Variants in MASTL observed in about 807,000 individuals in gnomAD.
MASTL encodes the protein microtubule associated serine/threonine kinase like.
MASTL carries 54 observed loss-of-function variants against 82.5 expected under a neutral mutation model. The ratio of observed to expected loss-of-function variants is 0.65; its 90% CI spans 0.53 to 0.82. The LOEUF (loss-of-function observed/expected upper bound fraction) is 0.82. MASTL is among the 40% of genes least tolerant of loss of function. The pLI, the probability that MASTL is intolerant of heterozygous loss-of-function variation, is 0.00. For synonymous variants in MASTL, 323 were observed against 368.9 expected (o/e 0.88, Z 1.43); for missense variants, 950 against 1,047.8 (o/e 0.91, Z 1.29).
intron 11 of MASTL, among the ~76,000 whole-genome samples, chr10:27,182,074 CAA>C (rs544379603): frequency 0.031 from 2,981 of 95,386 alleles, 36 homozygotes; most frequent in Middle Eastern, 0.06. Flanking sequence ...GACTCCCTCT[CAA>C]AAAAAAAAAA....
At position 27,186,448 on chromosome 10, in the gene MASTL, T is replaced by C; in HGVS notation, c.2552T>C (p.Ile851Thr). 6.2e-7 allele frequency: 1 copy of C among 1,614,096 alleles called. No homozygotes were observed. Among genetic ancestry groups the C allele is most frequent in the South Asian group, 1.1e-5 (1 of 91,086 alleles). The change falls in exon 12 of 12, where the codon ATC becomes ACC. Residue 851 changes from isoleucine to threonine, a missense_variant. Ile to Thr is a moderately conservative substitution (Grantham distance 89). Transcript: ENST00000375940. ...ENLQHQTMPF[I>T]PQPDDETDTS... Reference sequence around the variant, plus strand: ...CTGCAGCATCAGACTATGCCTTTCATCCCCCAGCCAGATGATGAAACAGAT... The same window carrying C: ...CTGCAGCATCAGACTATGCCTTTCACCCCCCAGCCAGATGATGAAACAGAT...
intron 1 of MASTL, among the ~76,000 whole-genome samples, chr10:27,157,044 C>G (rs1001270139): frequency 6.6e-6 from 1 of 151,626 alleles, no homozygotes; most frequent in Non-Finnish European, 1.5e-5. Context: ...CTCAGGTGAT[C>G]TGCCCGCCTC....
intron 9 of MASTL, chr10:27,177,883 A>T: frequency 2.0e-6 from 1 of 500,970 alleles, no homozygotes; most frequent in Non-Finnish European, 2.6e-6. Flanking sequence ...GTATAACTAG[A>T]TCACATTGCA....
intron 11 of MASTL, among the ~76,000 whole-genome samples, chr10:27,181,849 C>G (rs896872513): frequency 4.6e-5 from 7 of 151,972 alleles, no homozygotes; most frequent in Non-Finnish European, 7.4e-5. Flanking sequence ...CCGAGGCAGG[C>G]GGATCACGAG....
intron 6 of MASTL, 118 bp from the exon 7 acceptor site, chr10:27,166,981 ATTC>A: frequency 2.5e-5 from 3 of 120,320 alleles, no homozygotes; most frequent in Non-Finnish European, 5.3e-5. Context: ...CTGATATGTA[ATTC>A]TTAATACATA....
rs1188516311 is a variant in MASTL at position 27,186,417 on chromosome 10, G to A, written c.2521G>A (p.Glu841Lys). The change falls in exon 12 of 12, where the codon GAA (glutamate) becomes AAA (lysine). Residue 841 changes from glutamate (E) to lysine (K), a missense_variant. Transcript: ENST00000375940. ...TCCTCTCTTCAGTGATGTGGACTGG[G>A]AAAATCTGCAGCATCAGACTATGCC... is the stretch of plus-strand genomic sequence containing the variant. ...RHPLFSDVDW[E>K]NLQHQTMPFI... 7 of 1,613,936 alleles carry A rather than the reference G, an allele frequency of 4.3e-6. No individual in the cohort carries two copies. The highest frequency in any genetic ancestry group is 5.1e-6 in the Non-Finnish European group (6 of 1,180,022).
chr10:27,163,888 C>G (rs891517417), intron 4 of MASTL, among the ~76,000 whole-genome samples: 7 of 152,062 alleles, frequency 4.6e-5, no homozygotes, highest in Admixed American at 2.0e-4. Context: ...CCCTGGACTC[C>G]CAAAGTGTTG....
At chr10:27,166,016 G>A (rs187236175) in intron 6 of MASTL, among the ~76,000 whole-genome samples, 2 of 152,020 alleles carry the variant, frequency 1.3e-5, no homozygotes, top group African/African-American at 2.4e-5. Context: ...AGACCAGCCT[G>A]GCCAACATGG....
At chr10:27,181,403 A>AC in intron 10 of MASTL, 77 bp from the exon 11 acceptor site, 2 of 1,146,204 alleles carry the variant, frequency 1.7e-6, no homozygotes, top group East Asian at 4.8e-5. Context: ...AAAAACAAAA[A>AC]AAAGTAGTCA....
In MASTL at chr10:27,155,439, G is replaced by T; in HGVS notation, c.13G>T (p.Ala5Ser). The T allele has an allele frequency of 6.2e-7, 1 of 1,610,870 alleles. No individual in the cohort carries two copies. Among genetic ancestry groups the T allele is most frequent in the South Asian group, 1.1e-5 (1 of 90,838 alleles). The change falls in exon 1 of 12, where the codon GCG (alanine) becomes TCG (serine). Residue 5 changes from alanine to serine, a missense_variant. Physicochemically the swap from Ala to Ser is moderately conservative, Grantham distance 99 (BLOSUM62 1). Coordinates refer to ENST00000375940, the MANE Select transcript of MASTL (RefSeq NM_001172303.3). ...ATGCTGTCCAGCGATGGATCCCACC[G>T]CGGGAAGCAAGAAGGAGCCTGGAGG... is the stretch of plus-strand genomic sequence containing the variant. MDPTAGSKKEPGGGA... is the reference protein window; with the variant it reads MDPTSGSKKEPGGGA...
Position 27,155,512 on chromosome 10 carries a change from C to G in MASTL, c.86C>G (p.Pro29Arg), listed in dbSNP as rs2057329300. ...GTGAATAGGATCGCAGTGCCAAAAC[C>G]GCCCTCCATTGAGGAATTCAGCATA... ...EGVNRIAVPK[P>R]PSIEEFSIVK... is the part of the protein sequence containing the mutation. The change falls in exon 1 of 12, where the codon CCG (proline) becomes CGG (arginine). Residue 29 changes from proline to arginine, a missense_variant. Coordinates refer to ENST00000375940, the MANE Select transcript of MASTL (RefSeq NM_001172303.3). 3 of 1,614,076 alleles carry G rather than the reference C, an allele frequency of 1.9e-6. No individual in the cohort carries two copies. Among genetic ancestry groups the G allele is most frequent in the African/African-American group, 2.7e-5 (2 of 74,944 alleles).
At position 27,181,127 on chromosome 10, in the gene MASTL, G is replaced by A. The variant is rs1311289579; in HGVS notation, c.2380+61G>A. ...TGGCTGGGCATAGTGGCCCATGCCT[G>A]TAATCCCAGCACTTTGGGAGGCCAA... On this transcript the variant is annotated intron_variant, in intron 10 of 11. Transcript: ENST00000375940. The A allele has an allele frequency of 1.7e-5, 22 of 1,273,478 alleles. No individual in the cohort carries two copies. The East Asian group carries it at 3.1e-4, about 18-fold the overall frequency. The allele number at this position is 1,273,478 out of a possible 1,614,324, so 78.9% of individuals were successfully genotyped here.
intron 11 of MASTL, among the ~76,000 whole-genome samples, chr10:27,184,783 A>G (rs972991525): frequency 6.6e-6 from 1 of 151,626 alleles, no homozygotes; most frequent in East Asian, 1.9e-4. Context: ...CTGGTCTCGA[A>G]CTCCTGACCT....
intron 11 of MASTL, among the ~76,000 whole-genome samples, chr10:27,186,013 C>T (rs555689521): frequency 2.3e-4 from 35 of 152,164 alleles, no homozygotes; most frequent in Admixed American, 1.6e-3. Context: ...CGCTTGAACC[C>T]GGGAGGCGGC....
intron 1 of MASTL, among the ~76,000 whole-genome samples, chr10:27,156,414 A>G (rs2057381781): frequency 6.6e-6 from 1 of 152,214 alleles, no homozygotes; most frequent in East Asian, 1.9e-4. Flanking sequence ...AAATTTTTCT[A>G]CCACAGAAGA....
At chr10:27,168,656 A>G (rs1398693920) in intron 7 of MASTL, among the ~76,000 whole-genome samples, 1 of 152,128 alleles carries the variant, frequency 6.6e-6, no homozygotes, top group Non-Finnish European at 1.5e-5. Context: ...GTCTCTACTA[A>G]AAATACAAAA....
At chr10:27,167,354 A>G in intron 7 of MASTL, 80 bp downstream of exon 7, 1 of 1,250,122 alleles carries the variant, frequency 8.0e-7, no homozygotes, top group Non-Finnish European at 1.2e-6. Context: ...TTTCATATAA[A>G]TTCCATAAAG....
rs1043226439 is a variant in MASTL, at chr10:27,187,614, T to C, written c.*1078T>C. On this transcript the variant is annotated 3_prime_UTR_variant, in exon 12 of 12. Transcript: ENST00000375940. Reference sequence around the variant, plus strand: ...TAAAAATAGAAAAATTAGCCAGGTATGGTGACGCACACCTGTAGTCCCAGC... The same window carrying C: ...TAAAAATAGAAAAATTAGCCAGGTACGGTGACGCACACCTGTAGTCCCAGC... Among the ~76,000 whole-genome samples, 12 of 151,800 alleles carry C rather than the reference T, an allele frequency of 7.9e-5. No individual in the cohort carries two copies. Among genetic ancestry groups the C allele is most frequent in the South Asian group, 2.1e-4 (1 of 4,786 alleles).
chr10:27,172,048 C>T (rs561836146), intron 8 of MASTL, among the ~76,000 whole-genome samples: 1 of 151,644 alleles, frequency 6.6e-6, no homozygotes, highest in African/African-American at 2.4e-5. Context: ...AGGATGGTCT[C>T]GATCTCTTGA....
Sources: gnomAD v4.1 joint callset for allele counts (sites outside exome capture counted in the v4.1 genomes callset) on GRCh38, gnomAD v4.1.1 for gene constraint, MANE v1.5 for transcripts, NCBI Gene and HGNC (gene_info 2026-07-23, HGNC 2026-07-21) for gene names.